Variants in TRPC5 observed in about 807,000 individuals in gnomAD.
TRPC5 encodes transient receptor potential cation channel subfamily C member 5.
In TRPC5, 9 loss-of-function variants were observed where a neutral mutation model predicts 56.5. That is an observed-to-expected ratio of 0.16 (90% CI 0.10 to 0.28). The LOEUF (loss-of-function observed/expected upper bound fraction) is 0.28, where lower values mean the gene tolerates loss of function less well. TRPC5 is among the 10% of genes least tolerant of loss of function. The pLI is 1.00. For missense variants in TRPC5, 469 were observed against 748.9 expected, an observed-to-expected ratio of 0.63 and a Z score of 4.36; for synonymous variants, 282 against 278.5, an observed-to-expected ratio of 1.01 and a Z score of -0.13.
chrX:111,918,048 C>T (rs1360849493), intron 2 of TRPC5, among the ~76,000 whole-genome samples: 4 of 110,907 alleles, frequency 3.6e-5, no homozygotes, highest in East Asian at 2.8e-4. Flanking sequence ...GGGGAGGACC[C>T]GGGGAGGAGG....
At chrX:112,010,938 G>A (rs1407797920) in intron 1 of TRPC5, among the ~76,000 whole-genome samples, 1 of 112,026 alleles carries the variant, frequency 8.9e-6, no homozygotes, top group Non-Finnish European at 1.9e-5. Context: ...GCCTGTGAGA[G>A]GGCCAGCCAG....
intron 1 of TRPC5, among the ~76,000 whole-genome samples, chrX:112,026,767 T>A (rs369713461): frequency 3.1e-4 from 34 of 110,533 alleles, no homozygotes; most frequent in African/African-American, 1.1e-3. Context: ...ATGTGTAGAG[T>A]CCTGGCTGGA....
chrX:111,984,703 G>A (rs186518439), intron 1 of TRPC5, among the ~76,000 whole-genome samples: 185 of 112,064 alleles, frequency 1.7e-3, no homozygotes, highest in Non-Finnish European at 3.0e-3. Flanking sequence ...GTGATAGCTC[G>A]TGGAAGGGAA....
intron 7 of TRPC5, among the ~76,000 whole-genome samples, chrX:111,797,420 C>A (rs1326428834): frequency 8.9e-6 from 1 of 111,789 alleles, no homozygotes; most frequent in African/African-American, 3.3e-5. Flanking sequence ...AATAAGAGAT[C>A]CTAATCAGCT....
chrX:111,844,510 G>C (rs987170502), intron 6 of TRPC5, among the ~76,000 whole-genome samples: 10 of 103,508 alleles, frequency 9.7e-5, no homozygotes, highest in Non-Finnish European at 1.8e-4. Flanking sequence ...GCCCAGGCTG[G>C]AGTGGAGTGC....
At chrX:111,844,661 C>T (rs1286456594) in intron 6 of TRPC5, among the ~76,000 whole-genome samples, 3 of 109,070 alleles carry the variant, frequency 2.8e-5, no homozygotes, top group Non-Finnish European at 3.8e-5. Context: ...AACAGGGTTT[C>T]TCCATGTTGG....
At chrX:111,931,832 A>G (rs1012621295) in intron 2 of TRPC5, among the ~76,000 whole-genome samples, 3 of 111,746 alleles carry the variant, frequency 2.7e-5, no homozygotes, top group African/African-American at 9.8e-5. Flanking sequence ...AATATGGATA[A>G]TAGCATTATT....
At chrX:111,871,668 G>A (rs967810549) in intron 3 of TRPC5, among the ~76,000 whole-genome samples, 10 of 112,012 alleles carry the variant, frequency 8.9e-5, no homozygotes, top group African/African-American at 2.9e-4. Flanking sequence ...CTCAATAAAT[G>A]TTAGTTCTTT....
chrX:111,866,201 G>A (rs1457848416), intron 3 of TRPC5, among the ~76,000 whole-genome samples: 2 of 113,845 alleles, frequency 1.8e-5, no homozygotes, highest in African/African-American at 3.2e-5. Context: ...CTTGCGGCCA[G>A]TGATTGAAAT....
chrX:111,900,167 A>G (rs1391052907), intron 3 of TRPC5, among the ~76,000 whole-genome samples: 1 of 112,040 alleles, frequency 8.9e-6, no homozygotes, highest in African/African-American at 3.2e-5. Flanking sequence ...CAAGGATTAT[A>G]GTCAGCTGAA....
At chrX:111,857,432 T>C (rs763002489) in intron 3 of TRPC5, among the ~76,000 whole-genome samples, 1 of 111,842 alleles carries the variant, frequency 8.9e-6, no homozygotes, top group East Asian at 2.8e-4. Flanking sequence ...GGTGAATTGG[T>C]GATGATAGTG....
At chrX:111,800,097 G>A (rs758461411) in intron 7 of TRPC5, among the ~76,000 whole-genome samples, 1 of 110,801 alleles carries the variant, frequency 9.0e-6, no homozygotes, top group Admixed American at 9.6e-5. Flanking sequence ...AAATGAAAAA[G>A]CAAAATCTCA....
At chrX:112,026,180 C>T (rs1471788073) in intron 1 of TRPC5, among the ~76,000 whole-genome samples, 1 of 111,924 alleles carries the variant, frequency 8.9e-6, no homozygotes, top group African/African-American at 3.3e-5. Flanking sequence ...AGCCCAATCT[C>T]CCTTATGAAG....
At chrX:111,818,334 T>C (rs2096419899) in intron 7 of TRPC5, among the ~76,000 whole-genome samples, 1 of 111,742 alleles carries the variant, frequency 8.9e-6, no homozygotes, top group South Asian at 3.8e-4. Flanking sequence ...ATTATTCTAT[T>C]TTTTCTCATA....
At chrX:111,952,672 A>G (rs1206228764) in intron 1 of TRPC5, among the ~76,000 whole-genome samples, 2 of 110,978 alleles carry the variant, frequency 1.8e-5, no homozygotes, top group Non-Finnish European at 3.8e-5. Flanking sequence ...GGCCTTGAGT[A>G]AGTTACTCAA....
chrX:111,967,684 C>G (rs1009052967), intron 1 of TRPC5, among the ~76,000 whole-genome samples: 3 of 111,455 alleles, frequency 2.7e-5, no homozygotes, highest in African/African-American at 9.8e-5. Flanking sequence ...CTACAACCAT[C>G]TGATCTTTGA....
intron 1 of TRPC5, among the ~76,000 whole-genome samples, chrX:112,038,745 G>T (rs1478332861): frequency 9.2e-6 from 1 of 108,454 alleles, no homozygotes; most frequent in South Asian, 4.1e-4. Flanking sequence ...GCAATGGCGC[G>T]ATCTCGGCTC....
chrX:111,855,081 G>C (rs1000326846), intron 3 of TRPC5, among the ~76,000 whole-genome samples: 4 of 112,035 alleles, frequency 3.6e-5, no homozygotes, highest in Non-Finnish European at 5.6e-5. Flanking sequence ...GCTTCCCATG[G>C]GACAGGTTAA....
intron 1 of TRPC5, among the ~76,000 whole-genome samples, chrX:112,050,406 T>G (rs12014310): frequency 0.25 from 27,924 of 111,243 alleles, 4,425 homozygotes; most frequent in African/African-American, 0.59. Flanking sequence ...CTGCTCTCAT[T>G]TATAGCAGTA....
Sources: gnomAD v4.1 joint callset for allele counts (sites outside exome capture counted in the v4.1 genomes callset) on GRCh38, gnomAD v4.1.1 for gene constraint, MANE v1.5 for transcripts, NCBI Gene and HGNC (gene_info 2026-07-23, HGNC 2026-07-21) for gene names.